Variants in PRTG observed in about 807,000 individuals in gnomAD.
The protein encoded by PRTG is immunoglobulin superfamily, DCC subclass, member 5.
Under a neutral mutation model 122.5 loss-of-function variants are expected in PRTG, and 67 were observed. The observed-to-expected ratio is 0.55, with a 90% confidence interval of 0.45 to 0.67. The LOEUF (loss-of-function observed/expected upper bound fraction) is 0.67. Among genes scored for constraint, PRTG ranks in the 30% least tolerant of loss-of-function variants. The pLI is 0.00. For missense variants in PRTG, 1,435 were observed against 1,415.4 expected, an observed-to-expected ratio of 1.01 and a Z score of -0.22; for synonymous variants, 554 against 501.1, an observed-to-expected ratio of 1.11 and a Z score of -1.41.
intron 2 of PRTG, among the ~76,000 whole-genome samples, chr15:55,717,016 T>C (rs1418920941): frequency 6.6e-6 from 1 of 152,196 alleles, no homozygotes. Context: ...CTTTACTCAA[T>C]ATGAAACCAT....
Position 55,623,096 on chromosome 15 carries a change from G to A in PRTG, c.3093+1246C>T, listed in dbSNP as rs1278983685. Reference sequence around the variant, plus strand: ...TAGTATCAAAACTGCCTGAAATTTTGTTATACTTCTGTTATTCTAAATTTT... The same window carrying A: ...TAGTATCAAAACTGCCTGAAATTTTATTATACTTCTGTTATTCTAAATTTT... On this transcript the variant is annotated intron_variant, in intron 18 of 19. Coordinates refer to ENST00000389286, the MANE Select transcript of PRTG (RefSeq NM_173814.6). 2.6e-5 allele frequency among the ~76,000 whole-genome samples: 4 copies of A among 152,130 alleles called. No homozygotes were observed. The East Asian group carries it at 7.7e-4, about 29-fold the overall frequency.
At chr15:55,723,001 G>A (rs1468387998) in intron 2 of PRTG, among the ~76,000 whole-genome samples, 4 of 152,212 alleles carry the variant, frequency 2.6e-5, no homozygotes, top group Non-Finnish European at 4.4e-5. Context: ...TTTTGGATGA[G>A]AAAAGAATGT....
chr15:55,637,254 C>T lies in PRTG; in HGVS notation c.2539G>A (p.Glu847Lys). 1 of 1,614,072 alleles carries T rather than the reference C, an allele frequency of 6.2e-7. No homozygotes were observed. The highest frequency in any genetic ancestry group is 8.5e-7 in the Non-Finnish European group (1 of 1,179,994). Reference protein sequence around the residue: ...LVSWKPPDGPETVVTRYTILY... With the variant: ...LVSWKPPDGPKTVVTRYTILY... ...ATAGTATAGCGGGTCACAACTGTTTCTGGGCCATCAGGGGGTTTCCAAGAA... is the reference window on the plus strand; with the variant it reads ...ATAGTATAGCGGGTCACAACTGTTTTTGGGCCATCAGGGGGTTTCCAAGAA... Residue 847 changes from glutamate (E) to lysine (K), a missense_variant, in exon 15 of 20, where the codon GAA becomes AAA. Coordinates refer to ENST00000389286, the MANE Select transcript of PRTG (RefSeq NM_173814.6).
intron 2 of PRTG, 93 bp from the exon 3 acceptor site, chr15:55,684,024 C>T (rs966113979): frequency 3.9e-5 from 43 of 1,107,292 alleles, no homozygotes; most frequent in Non-Finnish European, 5.3e-5. Context: ...GGACTTGAAC[C>T]CTTGCTTGGA....
chr15:55,738,667 GA>G (rs1460572299), intron 2 of PRTG: 1 of 424,412 alleles, frequency 2.4e-6, no homozygotes, highest in East Asian at 3.7e-5. Context: ...GTACTATACA[GA>G]AAAACCATTA....
At chr15:55,659,292 G>C (rs180712594) in intron 11 of PRTG, among the ~76,000 whole-genome samples, 1 of 152,146 alleles carries the variant, frequency 6.6e-6, no homozygotes, top group African/African-American at 2.4e-5. Flanking sequence ...CAAACCAACT[G>C]ATAAATCAGG....
In PRTG at chr15:55,619,342, C is replaced by T. The variant is rs75283919; in HGVS notation, c.*670G>A. 1,570 of 152,346 alleles carry T rather than the reference C, an allele frequency of 0.01. 18 individuals carry two copies. Among genetic ancestry groups the T allele is most frequent in the Non-Finnish European group, 0.011 (743 of 68,060 alleles). The allele number at this position is 152,346 out of a possible 1,614,324, so 9.4% of individuals were successfully genotyped here. A position where few individuals can be genotyped will look rare whatever the true frequency, so the allele number is the denominator to read the frequency against. On this transcript the variant is annotated 3_prime_UTR_variant, in exon 20 of 20. Coordinates refer to ENST00000389286, the MANE Select transcript of PRTG (RefSeq NM_173814.6). Reference sequence around the variant, plus strand: ...ACTTTTCCTCTTCTCAGTGGTTTAACGGTCCTCACAGCCAGAGGTATGAAC... The same window carrying T: ...ACTTTTCCTCTTCTCAGTGGTTTAATGGTCCTCACAGCCAGAGGTATGAAC...
Position 55,616,676 on chromosome 15 carries a change from A to G in PRTG, c.*3336T>C, listed in dbSNP as rs1354117343. On this transcript the variant is annotated 3_prime_UTR_variant, in exon 20 of 20. Coordinates refer to ENST00000389286, the MANE Select transcript of PRTG (RefSeq NM_173814.6). ...AAACAACAGTTTAATGTACAACTAT[A>G]TTTGCCTATATGCGGAGGTAACCTT... The G allele has an allele frequency of 6.6e-6, 1 of 152,142 alleles. No individual in the cohort carries two copies. Among genetic ancestry groups the G allele is most frequent in the Non-Finnish European group, 1.5e-5 (1 of 67,990 alleles). 9.4% of individuals were successfully genotyped at this position (152,142 alleles called of 1,614,324 possible).
rs2059125551 is a variant in PRTG at position 55,612,697 on chromosome 15, A to ATAT, written c.*7314_*7315insATA. ...TTCTCTCTTTAACTCTTTAAAAGCCAATATATATATATATATATATATATA... is the reference window on the plus strand; with the variant it reads ...TTCTCTCTTTAACTCTTTAAAAGCCATATATATATATATATATATATATATATA... On this transcript the variant is annotated 3_prime_UTR_variant, in exon 20 of 20. Transcript: ENST00000389286. 22 of 120,756 alleles carry ATAT rather than the reference A, an allele frequency of 1.8e-4. No individual in the cohort carries two copies. The highest frequency in any genetic ancestry group is 7.9e-4 in the African/African-American group (17 of 21,396). 7.5% of individuals were successfully genotyped at this position (120,756 alleles called of 1,614,324 possible).
chr15:55,711,297 A>T (rs2030377914), intron 2 of PRTG, among the ~76,000 whole-genome samples: 1 of 151,978 alleles, frequency 6.6e-6, no homozygotes, highest in Non-Finnish European at 1.5e-5. Context: ...CTGTCTTCCA[A>T]ATCTTATCAC....
In PRTG at chr15:55,656,484, G is replaced by A. The variant is rs2059380941; in HGVS notation, c.2042-15276C>T. The A allele has an allele frequency of 1.1e-4, 40 of 374,644 alleles. 1 individual carries two copies. The highest frequency in any genetic ancestry group is 7.8e-4 in the South Asian group (36 of 46,354). The allele number at this position is 374,644 out of a possible 1,614,324, so 23.2% of individuals were successfully genotyped here. ...GCTTGTTGAAGAGAAACATGACTTC[G>A]AAAGCTTTCCTAACCCAGAGCAGTG... On this transcript the variant is annotated intron_variant, in intron 11 of 19. Coordinates refer to ENST00000389286, the MANE Select transcript of PRTG (RefSeq NM_173814.6).
chr15:55,696,756 A>G (rs781720575), intron 2 of PRTG, among the ~76,000 whole-genome samples: 1 of 152,226 alleles, frequency 6.6e-6, no homozygotes, highest in African/African-American at 2.4e-5. Flanking sequence ...CCATTCTATA[A>G]GTGGTTTATT....
At position 55,673,518 on chromosome 15, in the gene PRTG, G is replaced by A. The variant is rs2059485148; in HGVS notation, c.1705C>T (p.Leu569Phe). Residue 569 changes from leucine (L) to phenylalanine (F), a missense_variant, in exon 10 of 20, where the codon CTC becomes TTC. Physicochemically the swap from Leu to Phe is conservative, Grantham distance 22 (BLOSUM62 0). Coordinates refer to ENST00000389286, the MANE Select transcript of PRTG (RefSeq NM_173814.6). ...AGGTACTCATGCGTGGTCCCCGGGA[G>A]CTCCAGAACTTGGATTGAATTCTCA... is the stretch of plus-strand genomic sequence containing the variant. ...STENSIQVLE[L>F]PGTTHEYLLE... is the part of the protein sequence containing the mutation. 2 of 1,614,008 alleles carry A rather than the reference G, an allele frequency of 1.2e-6. No homozygotes were observed. The highest frequency in any genetic ancestry group is 1.3e-5 in the African/African-American group (1 of 74,906).
At chr15:55,671,083 G>A (rs1345179963) in intron 11 of PRTG, among the ~76,000 whole-genome samples, 1 of 152,166 alleles carries the variant, frequency 6.6e-6, no homozygotes, top group Non-Finnish European at 1.5e-5. Flanking sequence ...ATACCATCTG[G>A]AAAACTGCAT....
chr15:55,693,275 G>A (rs1235350977), intron 2 of PRTG, among the ~76,000 whole-genome samples: 1 of 152,158 alleles, frequency 6.6e-6, no homozygotes. Context: ...TGACCAACAA[G>A]GAGAAACCCT....
chr15:55,628,286 G>A (rs905363143), intron 16 of PRTG, among the ~76,000 whole-genome samples: 3 of 152,012 alleles, frequency 2.0e-5, no homozygotes, highest in Admixed American at 2.0e-4. Context: ...GCTACAGGGG[G>A]CACCAGCTTT....
chr15:55,631,946 T>C (rs997779710), intron 15 of PRTG, among the ~76,000 whole-genome samples: 6 of 152,198 alleles, frequency 3.9e-5, no homozygotes, highest in African/African-American at 1.4e-4. Context: ...ATTTGGACCA[T>C]AGTGTCCATT....
At chr15:55,645,652 G>A (rs1176981022) in intron 11 of PRTG, among the ~76,000 whole-genome samples, 1 of 151,986 alleles carries the variant, frequency 6.6e-6, no homozygotes, top group African/African-American at 2.4e-5. Flanking sequence ...AGCAGCAAAA[G>A]TCAAGTCCTA....
At chr15:55,691,255 C>G (rs2059599355) in intron 2 of PRTG, among the ~76,000 whole-genome samples, 1 of 146,880 alleles carries the variant, frequency 6.8e-6, no homozygotes, top group Non-Finnish European at 1.5e-5. Flanking sequence ...GAGATCGCAC[C>G]ACTGCACTCC....
Sources: allele counts gnomAD v4.1 joint callset (sites outside exome capture counted in the v4.1 genomes callset), GRCh38; gene constraint gnomAD v4.1.1; transcripts MANE v1.5; gene names NCBI Gene and HGNC (gene_info 2026-07-23, HGNC 2026-07-21).